Variants in XIRP2 observed in about 807,000 individuals in gnomAD.
The protein encoded by XIRP2 is xin actin-binding repeat-containing protein 2.
A neutral mutation model predicts 277.0 loss-of-function variants in XIRP2; 236 were observed. The ratio of observed to expected loss-of-function variants is 0.85; its 90% CI spans 0.77 to 0.95. The LOEUF is 0.95. Ranked by LOEUF, XIRP2 falls within the 40% of genes least tolerant of loss-of-function variation. The pLI is 0.00. For synonymous variants in XIRP2, 1,490 were observed against 1,416.5 expected, an observed-to-expected ratio of 1.05 and a Z score of -1.17; for missense variants, 4,640 against 4,157.5, an observed-to-expected ratio of 1.12 and a Z score of -3.19.
rs369494080 is a variant in XIRP2 at position 166,895,521 on chromosome 2, A to C, written c.-19+6964A>C. 5.9e-5 allele frequency among the ~76,000 whole-genome samples: 9 copies of C among 152,328 alleles called. No homozygotes were observed. In the East Asian group the frequency reaches 1.5e-3, roughly 26 times the overall value. On this transcript the variant is annotated intron_variant, in intron 1 of 10. Transcript: ENST00000409195. ...GGATCCATGAACAGAAGTAAATTAT[A>C]TGTAAATCAAAGTTTGCTTTCCTCA...
chr2:167,165,441 G>A (rs1182061189), intron 3 of XIRP2, among the ~76,000 whole-genome samples: 2 of 152,200 alleles, frequency 1.3e-5, no homozygotes, highest in Admixed American at 6.5e-5. Context: ...CAAAGTGGCT[G>A]TACAATTTTG....
At chr2:167,157,741 T>C (rs1454533991) in intron 3 of XIRP2, among the ~76,000 whole-genome samples, 1 of 152,126 alleles carries the variant, frequency 6.6e-6, no homozygotes, top group Non-Finnish European at 1.5e-5. Flanking sequence ...TGAAATTCCT[T>C]GACAATGCTG....
intron 2 of XIRP2, among the ~76,000 whole-genome samples, chr2:167,072,116 C>T (rs1243920798): frequency 6.6e-6 from 1 of 151,898 alleles, no homozygotes; most frequent in East Asian, 1.9e-4. Context: ...AAGCATATGC[C>T]ATATGAAGTT....
Position 166,913,195 on chromosome 2 carries a change from C to T in XIRP2, c.408+9305C>T, listed in dbSNP as rs142824964. On this transcript the variant is annotated intron_variant, in intron 2 of 10. Transcript: ENST00000409195. ...GCCTTTTGTTCAGCTATGCTTTGCC[C>T]CCCAGAGGTGGAGTCTACAGAGGCA... 1.5e-3 allele frequency among the ~76,000 whole-genome samples: 229 copies of T among 152,302 alleles called. 8 individuals are homozygous for T. In the East Asian group the frequency reaches 0.04, roughly 26 times the overall value.
chr2:166,972,895 A>C (rs1666232594), intron 2 of XIRP2, among the ~76,000 whole-genome samples: 1 of 152,186 alleles, frequency 6.6e-6, no homozygotes, highest in Non-Finnish European at 1.5e-5. Context: ...CAATTTTTGT[A>C]ATCAATTATT....
chr2:166,901,027 C>G (rs1684374477), intron 1 of XIRP2, among the ~76,000 whole-genome samples: 1 of 152,106 alleles, frequency 6.6e-6, no homozygotes, highest in Admixed American at 6.6e-5. Context: ...CAGAAACTTA[C>G]ACTCACCACT....
chr2:167,008,107 AC>A (rs2105465196), intron 2 of XIRP2, among the ~76,000 whole-genome samples: 1 of 151,702 alleles, frequency 6.6e-6, no homozygotes, highest in Admixed American at 6.6e-5. Context: ...GATTGAATTT[AC>A]TTTTATCTCA....
chr2:167,158,003 C>A (rs1365427877), intron 3 of XIRP2, among the ~76,000 whole-genome samples: 1 of 152,042 alleles, frequency 6.6e-6, no homozygotes, highest in African/African-American at 2.4e-5. Flanking sequence ...AGTTATTTAT[C>A]CACTTTAAAA....
intron 2 of XIRP2, among the ~76,000 whole-genome samples, chr2:166,964,473 T>G (rs1229702870): frequency 6.6e-6 from 1 of 151,786 alleles, no homozygotes; most frequent in African/African-American, 2.4e-5. Flanking sequence ...CTTAAAATAT[T>G]TTTAGTTTCA....
intron 3 of XIRP2, among the ~76,000 whole-genome samples, chr2:167,171,560 C>T (rs1436103340): frequency 6.6e-6 from 1 of 152,168 alleles, no homozygotes; most frequent in Non-Finnish European, 1.5e-5. Flanking sequence ...GTGTTTTATA[C>T]ATGTCAACTA....
chr2:167,169,271 T>G (rs902380254), intron 3 of XIRP2, among the ~76,000 whole-genome samples: 6 of 150,432 alleles, frequency 4.0e-5, no homozygotes, highest in Admixed American at 2.0e-4. Flanking sequence ...ACTTTTTAAT[T>G]TATTTGTTGT....
At chr2:167,059,891 T>C (rs1390745087) in intron 2 of XIRP2, among the ~76,000 whole-genome samples, 1 of 152,218 alleles carries the variant, frequency 6.6e-6, no homozygotes, top group African/African-American at 2.4e-5. Context: ...GTGAGGTGTA[T>C]CCACATGAAT....
chr2:167,223,373 T>A (rs913389629), intron 5 of XIRP2, among the ~76,000 whole-genome samples: 1 of 152,212 alleles, frequency 6.6e-6, no homozygotes, highest in Non-Finnish European at 1.5e-5. Context: ...GCCCTGCCAC[T>A]AACTCTGATG....
At chr2:166,889,394 T>G (rs1000886031) in intron 1 of XIRP2, 8 of 152,678 alleles carry the variant, frequency 5.2e-5, no homozygotes, top group African/African-American at 1.9e-4. Flanking sequence ...CCATGGGGCT[T>G]CTGGCCTTGA....
At chr2:167,055,691 A>C (rs1689021246) in intron 2 of XIRP2, among the ~76,000 whole-genome samples, 1 of 152,188 alleles carries the variant, frequency 6.6e-6, no homozygotes, top group African/African-American at 2.4e-5. Flanking sequence ...ATATGAGCCT[A>C]GTATATGAAA....
At position 166,904,067 on chromosome 2, in the gene XIRP2, G is replaced by A. The variant is rs371768243; in HGVS notation, c.408+177G>A. On this transcript the variant is annotated intron_variant, in intron 2 of 10. Coordinates refer to ENST00000409195, the MANE Select transcript of XIRP2 (RefSeq NM_152381.6). ...CTCCTATTAATTTTCTCTAAGGTCT[G>A]CTTCAATGTGGACTTGACTTCCTTT... 7.2e-5 allele frequency among the ~76,000 whole-genome samples: 11 copies of A among 152,198 alleles called. No homozygotes were observed. In the South Asian group the frequency reaches 2.3e-3, roughly 32 times the overall value.
At chr2:167,199,813 TTAGTAACTAA>T (rs1693628233) in intron 3 of XIRP2, among the ~76,000 whole-genome samples, 2 of 152,146 alleles carry the variant, frequency 1.3e-5, no homozygotes, top group South Asian at 4.1e-4. Context: ...GCACAGACCC[TTAGTAACTAA>T]ACCACACATA....
At chr2:167,060,082 A>G (rs58289299) in intron 2 of XIRP2, among the ~76,000 whole-genome samples, 1 of 152,108 alleles carries the variant, frequency 6.6e-6, no homozygotes, top group Admixed American at 6.6e-5. Context: ...AAACAAAAAG[A>G]TCCCACCAAA....
At chr2:167,005,098 G>T (rs558276104) in intron 2 of XIRP2, among the ~76,000 whole-genome samples, 2 of 151,718 alleles carry the variant, frequency 1.3e-5, no homozygotes, top group Non-Finnish European at 2.9e-5. Flanking sequence ...TTCCATGGTG[G>T]GGGTTATCAT....
Sources: gnomAD v4.1 joint callset for allele counts (sites outside exome capture counted in the v4.1 genomes callset) on GRCh38, gnomAD v4.1.1 for gene constraint, MANE v1.5 for transcripts, NCBI Gene and HGNC (gene_info 2026-07-23, HGNC 2026-07-21) for gene names.